The following CA10 variants were observed in gnomAD, a reference collection of about 807,000 sequenced individuals.
The protein encoded by CA10 is carbonic anhydrase 10 (inactive).
A neutral mutation model predicts 44.2 loss-of-function variants in CA10; 14 were observed. That is an observed-to-expected ratio of 0.32 (90% confidence interval 0.21 to 0.50). CA10 has a LOEUF of 0.50. CA10 is among the 20% of genes least tolerant of loss of function. The probability of loss-of-function intolerance (pLI) is 0.99; values close to 1 mark genes in which losing one functional copy is unlikely to be tolerated. For missense variants in CA10, 350 were observed against 409.7 expected, an observed-to-expected ratio of 0.85 and a Z score of 1.26; for synonymous variants, 159 against 141.6, an observed-to-expected ratio of 1.12 and a Z score of -0.87.
chr17:52,078,978 A>G (rs962735229), intron 1 of CA10, among the ~76,000 whole-genome samples: 22 of 152,134 alleles, frequency 1.4e-4, no homozygotes, highest in African/African-American at 4.6e-4. Flanking sequence ...GTCAGAGAAT[A>G]TATCTTATTT....
chr17:51,880,303 A>T (rs1980305378), intron 3 of CA10, among the ~76,000 whole-genome samples: 1 of 152,000 alleles, frequency 6.6e-6, no homozygotes, highest in South Asian at 2.1e-4. Context: ...CAGCAAAAAA[A>T]TATTTTTTTT....
At chr17:51,756,471 TG>T (rs1488197884) in intron 3 of CA10, among the ~76,000 whole-genome samples, 13 of 97,684 alleles carry the variant, frequency 1.3e-4, no homozygotes, top group Non-Finnish European at 2.3e-4. Context: ...ATGAGGTAGT[TG>T]TTTTTTTTTT....
Position 51,973,742 on chromosome 17 carries a change from T to C in CA10, c.137-42610A>G, listed in dbSNP as rs547316604. On this transcript the variant is annotated intron_variant, in intron 2 of 8. Transcript: ENST00000451037. ...ATCTGATTCTCCAGAAAATTAACTA[T>C]CCTCTGTTAGAAAGAGACAATGCTT... Among the ~76,000 whole-genome samples, 13 of 152,278 alleles carry C rather than the reference T, an allele frequency of 8.5e-5. No individual in the cohort carries two copies. The East Asian group carries it at 2.3e-3, about 27-fold the overall frequency.
In CA10 at chr17:51,915,177, C is replaced by T. The variant is rs546455742; in HGVS notation, c.279+15813G>A. On this transcript the variant is annotated intron_variant, in intron 3 of 8. Coordinates refer to ENST00000451037, the MANE Select transcript of CA10 (RefSeq NM_020178.5). ...TAGATTGAAAGGGGTCATCTTTATGCACATCTTATGCCTCATATCTGTTGA... is the reference window on the plus strand; with the variant it reads ...TAGATTGAAAGGGGTCATCTTTATGTACATCTTATGCCTCATATCTGTTGA... Among the ~76,000 whole-genome samples, 17 of 152,298 alleles carry T rather than the reference C, an allele frequency of 1.1e-4. No homozygotes were observed. The South Asian group carries it at 2.5e-3, about 22-fold the overall frequency.
At chr17:51,898,582 A>G (rs1256582455) in intron 3 of CA10, among the ~76,000 whole-genome samples, 1 of 152,036 alleles carries the variant, frequency 6.6e-6, no homozygotes, top group Non-Finnish European at 1.5e-5. Context: ...AGTTAGAGAC[A>G]AGTCCCTTCT....
intron 1 of CA10, among the ~76,000 whole-genome samples, chr17:52,124,920 T>G (rs763708613): frequency 6.6e-6 from 1 of 152,224 alleles, no homozygotes; most frequent in African/African-American, 2.4e-5. Flanking sequence ...TCAAGGCCCT[T>G]CATGATCTAG....
chr17:51,838,889 G>A (rs1290182473), intron 3 of CA10, among the ~76,000 whole-genome samples: 1 of 152,098 alleles, frequency 6.6e-6, no homozygotes. Flanking sequence ...CCATCATTGT[G>A]CCCTTTATAG....
At chr17:51,906,981 TCACACAG>T (rs1478535455) in intron 3 of CA10, among the ~76,000 whole-genome samples, 2 of 152,164 alleles carry the variant, frequency 1.3e-5, no homozygotes, top group African/African-American at 4.8e-5. Flanking sequence ...ACAGTCAGCT[TCACACAG>T]CACACAGCAG....
intron 2 of CA10, among the ~76,000 whole-genome samples, chr17:51,952,450 G>A (rs1433981644): frequency 6.6e-6 from 1 of 152,110 alleles, no homozygotes; most frequent in African/African-American, 2.4e-5. Context: ...GAGAGGCTGA[G>A]GTGGGAAGAT....
intron 3 of CA10, among the ~76,000 whole-genome samples, chr17:51,854,566 A>G (rs1455502684): frequency 6.6e-6 from 1 of 152,122 alleles, no homozygotes; most frequent in Non-Finnish European, 1.5e-5. Flanking sequence ...GTCACTTCCT[A>G]ATGAAAGCAG....
At chr17:52,143,359 A>G (rs942383787) in intron 1 of CA10, among the ~76,000 whole-genome samples, 47 of 152,214 alleles carry the variant, frequency 3.1e-4, no homozygotes, top group Non-Finnish European at 4.4e-5. Context: ...TATAAGTAAA[A>G]GCTTAGAAAG....
At chr17:51,842,435 C>A (rs927786830) in intron 3 of CA10, among the ~76,000 whole-genome samples, 3 of 152,104 alleles carry the variant, frequency 2.0e-5, no homozygotes, top group Non-Finnish European at 4.4e-5. Flanking sequence ...AAAAATATAT[C>A]CTGTTTATCC....
chr17:52,125,565 T>C (rs1254699089), intron 1 of CA10, among the ~76,000 whole-genome samples: 1 of 152,174 alleles, frequency 6.6e-6, no homozygotes, highest in Non-Finnish European at 1.5e-5. Flanking sequence ...GTACCCTATA[T>C]GTAAATCTTA....
At chr17:52,103,822 C>A (rs1988595765) in intron 1 of CA10, among the ~76,000 whole-genome samples, 1 of 152,214 alleles carries the variant, frequency 6.6e-6, no homozygotes, top group Admixed American at 6.5e-5. Flanking sequence ...GTCCCCCCAG[C>A]ACTTGGGTGG....
At chr17:52,020,703 C>T (rs1207425694) in intron 2 of CA10, among the ~76,000 whole-genome samples, 2 of 151,736 alleles carry the variant, frequency 1.3e-5, no homozygotes, top group African/African-American at 2.4e-5. Context: ...AGGTTTGTTA[C>T]ATGGATATAT....
chr17:52,119,183 T>C (rs1988959779), intron 1 of CA10, among the ~76,000 whole-genome samples: 1 of 147,474 alleles, frequency 6.8e-6, no homozygotes, highest in Non-Finnish European at 1.5e-5. Flanking sequence ...TTTGTTTCTC[T>C]TTGCCTGGTT....
intron 3 of CA10, among the ~76,000 whole-genome samples, chr17:51,881,109 T>G (rs886618882): frequency 2.0e-5 from 3 of 151,662 alleles, no homozygotes; most frequent in African/African-American, 4.8e-5. Context: ...GCATGGTGGC[T>G]GGCGCCTGTA....
chr17:52,033,929 G>A (rs1197583963), intron 2 of CA10, among the ~76,000 whole-genome samples: 1 of 152,180 alleles, frequency 6.6e-6, no homozygotes, highest in Non-Finnish European at 1.5e-5. Flanking sequence ...AAACAAGCCA[G>A]ATACAAAAAT....
intron 2 of CA10, among the ~76,000 whole-genome samples, chr17:51,991,873 C>T (rs144341127): frequency 3.3e-5 from 5 of 151,984 alleles, no homozygotes; most frequent in African/African-American, 1.2e-4. Flanking sequence ...GAAAACTTTC[C>T]ATAACCACCC....
Sources: gnomAD v4.1 joint callset for allele counts (sites outside exome capture counted in the v4.1 genomes callset) on GRCh38, gnomAD v4.1.1 for gene constraint, MANE v1.5 for transcripts, NCBI Gene and HGNC (gene_info 2026-07-23, HGNC 2026-07-21) for gene names.